DENND5B: variants seen among roughly 807,000 people sequenced by gnomAD.
The protein encoded by DENND5B is DENN domain containing 5B.
Under a neutral mutation model 140.6 loss-of-function variants are expected in DENND5B, and 34 were observed. The observed-to-expected ratio is 0.24, with a 90% CI of 0.18 to 0.32. The LOEUF is 0.32. Among genes scored for constraint, DENND5B ranks in the 10% least tolerant of loss-of-function variants. The pLI is 1.00. For synonymous variants in DENND5B, 551 were observed against 562.1 expected (o/e 0.98, Z 0.28); for missense variants, 1,142 against 1,560.2 (o/e 0.73, Z 4.52).
At chr12:31,556,617 G>A (rs112705848) in intron 1 of DENND5B, among the ~76,000 whole-genome samples, 1,727 of 152,120 alleles carry the variant, frequency 0.011, 19 homozygotes, top group East Asian at 0.032. Flanking sequence ...AGGAGTTCAA[G>A]ACCAGCCTGG....
chr12:31,401,385 G>C (rs1480184224), intron 15 of DENND5B, among the ~76,000 whole-genome samples: 2 of 152,122 alleles, frequency 1.3e-5, no homozygotes, highest in Non-Finnish European at 2.9e-5. Flanking sequence ...TGAGTCTACT[G>C]CATGGATAAG....
intron 13 of DENND5B, among the ~76,000 whole-genome samples, chr12:31,410,000 T>C (rs1258786622): frequency 7.2e-5 from 11 of 152,294 alleles, no homozygotes; most frequent in East Asian, 3.9e-4. Context: ...CTTGAAAAAA[T>C]AGATTCATTC....
rs559947778 is a variant in DENND5B, at chr12:31,561,307, T to C, written c.127+29399A>G. Among the ~76,000 whole-genome samples, 9 of 152,316 alleles carry C rather than the reference T, an allele frequency of 5.9e-5. No individual in the cohort carries two copies. The South Asian group carries it at 1.0e-3, about 18-fold the overall frequency. ...AAGAAAATATATCCCAGCTCAAGCA[T>C]AGCATACACAAATACATTTCACAAT... On this transcript the variant is annotated intron_variant, in intron 1 of 20. Coordinates refer to ENST00000389082, the MANE Select transcript of DENND5B (RefSeq NM_144973.4).
intron 1 of DENND5B, among the ~76,000 whole-genome samples, chr12:31,568,605 G>A (rs1281654373): frequency 1.3e-5 from 2 of 152,158 alleles, no homozygotes; most frequent in East Asian, 1.9e-4. Flanking sequence ...TGTGATGTGC[G>A]AATACAAACT....
At chr12:31,400,284 A>T (rs967391715) in intron 15 of DENND5B, among the ~76,000 whole-genome samples, 1 of 152,076 alleles carries the variant, frequency 6.6e-6, no homozygotes, top group Non-Finnish European at 1.5e-5. Context: ...GGTACATGAG[A>T]TGTTGATATT....
chr12:31,560,329 TAG>T (rs1301823558), intron 1 of DENND5B, among the ~76,000 whole-genome samples: 1 of 152,228 alleles, frequency 6.6e-6, no homozygotes, highest in Admixed American at 6.5e-5. Context: ...TTAAAACCTT[TAG>T]AGTCATCTTT....
rs143086950 is a variant in DENND5B, at chr12:31,542,063, A to G, written c.128-46144T>C. On this transcript the variant is annotated intron_variant, in intron 1 of 20. Transcript: ENST00000389082. ...AGCACTTTGGGAGGCCAAAACGGGC[A>G]GATCACAAGGTCAGGAGTTCAAGAC... Among the ~76,000 whole-genome samples the G allele has an allele frequency of 6.4e-4, 97 of 152,138 alleles. No homozygotes were observed. The East Asian group carries it at 0.017, about 27-fold the overall frequency.
intron 1 of DENND5B, among the ~76,000 whole-genome samples, chr12:31,521,251 G>T (rs1947870610): frequency 6.6e-6 from 1 of 151,810 alleles, no homozygotes; most frequent in Non-Finnish European, 1.5e-5. Flanking sequence ...TAAGGCATTA[G>T]AATTCCACTG....
chr12:31,402,287 T>C (rs1435698391), intron 15 of DENND5B, among the ~76,000 whole-genome samples: 3 of 152,054 alleles, frequency 2.0e-5, no homozygotes, highest in Non-Finnish European at 4.4e-5. Context: ...TCATTACAAG[T>C]GAAAAATAGA....
At chr12:31,417,659 G>C (rs910595005) in intron 11 of DENND5B, among the ~76,000 whole-genome samples, 2 of 152,078 alleles carry the variant, frequency 1.3e-5, no homozygotes, top group African/African-American at 4.8e-5. Context: ...TATGAAAGAA[G>C]AAAGATTATT....
At chr12:31,480,328 T>G (rs1946017953) in intron 2 of DENND5B, 73 bp from the exon 3 acceptor site, 2 of 1,379,904 alleles carry the variant, frequency 1.4e-6, no homozygotes, top group Admixed American at 6.2e-5. Context: ...AATGTTGTTT[T>G]TTTAACATAA....
intron 2 of DENND5B, among the ~76,000 whole-genome samples, chr12:31,485,504 T>A (rs1338617471): frequency 6.6e-6 from 1 of 152,250 alleles, no homozygotes; most frequent in Admixed American, 6.5e-5. Flanking sequence ...TTGAGCCTAG[T>A]TATGATTTAA....
chr12:31,463,869 T>C lies in DENND5B; in HGVS notation c.905-3488A>G, dbSNP rs11610466. ...TTTTAGTAGAGATGGGGTTTCACCATGTTGGCCGGGCTGGTCTCGAACTCC... is the reference window on the plus strand; with the variant it reads ...TTTTAGTAGAGATGGGGTTTCACCACGTTGGCCGGGCTGGTCTCGAACTCC... On this transcript the variant is annotated intron_variant, in intron 3 of 20. Transcript: ENST00000389082. Among the ~76,000 whole-genome samples, 541 of 152,294 alleles carry C rather than the reference T, an allele frequency of 3.6e-3. 2 individuals carry two copies. The highest frequency in any genetic ancestry group is 6.1e-3 in the Non-Finnish European group (418 of 68,024).
intron 16 of DENND5B, among the ~76,000 whole-genome samples, chr12:31,398,967 C>T (rs1941635740): frequency 6.6e-6 from 1 of 151,230 alleles, no homozygotes; most frequent in Admixed American, 6.6e-5. Flanking sequence ...ACTAAAAATA[C>T]AGAAATTAGC....
At chr12:31,554,843 A>C (rs1858724280) in intron 1 of DENND5B, among the ~76,000 whole-genome samples, 1 of 152,140 alleles carries the variant, frequency 6.6e-6, no homozygotes, top group Admixed American at 6.5e-5. Flanking sequence ...CTGCCAGTTG[A>C]TCACATTGGC....
chr12:31,426,458 C>T, intron 8 of DENND5B, 34 bp from the exon 9 acceptor site: 1 of 1,589,322 alleles, frequency 6.3e-7, no homozygotes, highest in Non-Finnish European at 8.6e-7. Flanking sequence ...AATGCGTAAA[C>T]ATTAGCTATT....
intron 1 of DENND5B, chr12:31,535,119 T>C (rs545597699): frequency 2.6e-5 from 8 of 307,132 alleles, no homozygotes; most frequent in Non-Finnish European, 4.2e-5. Flanking sequence ...TGTTTGGGCA[T>C]TGATATCTGC....
intron 2 of DENND5B, among the ~76,000 whole-genome samples, chr12:31,491,345 C>G (rs917248650): frequency 2.6e-5 from 4 of 152,074 alleles, no homozygotes; most frequent in Non-Finnish European, 5.9e-5. Flanking sequence ...CCCAGCTACT[C>G]AAGAGGCTGA....
At chr12:31,401,624 GGC>G (rs1941801201) in intron 15 of DENND5B, among the ~76,000 whole-genome samples, 1 of 151,984 alleles carries the variant, frequency 6.6e-6, no homozygotes, top group African/African-American at 2.4e-5. Flanking sequence ...ATTAAAAGGT[GGC>G]TGTTTGTTTT....
Sources: allele counts gnomAD v4.1 joint callset (sites outside exome capture counted in the v4.1 genomes callset), GRCh38; gene constraint gnomAD v4.1.1; transcripts MANE v1.5; gene names NCBI Gene and HGNC (gene_info 2026-07-23, HGNC 2026-07-21).